TASP1: variants seen among roughly 807,000 people sequenced by gnomAD.
TASP1 encodes threonine aspartase 1.
In TASP1, 16 loss-of-function variants were observed where a neutral mutation model predicts 56.6. The observed-to-expected ratio is 0.28, with a 90% CI of 0.19 to 0.43. The LOEUF is 0.43. Ranked by LOEUF, TASP1 falls within the 20% of genes least tolerant of loss-of-function variation. TASP1 has a pLI of 1.00. For missense variants in TASP1, 393 were observed against 511.6 expected (o/e 0.77, Z 2.24); for synonymous variants, 179 against 184.2 (o/e 0.97, Z 0.23).
At chr20:13,229,806 C>A in the TASP1 span, among the ~76,000 whole-genome samples, 3,685 of 152,174 alleles carry the variant, frequency 0.024, 138 homozygotes, top group African/African-American at 0.084. Context: ...CAATTGGTTG[C>A]CACTTGTTTC....
chr20:13,600,539 T>A (rs1193569729), intron 4 of TASP1: 1 of 152,082 alleles, frequency 6.6e-6, no homozygotes, highest in Non-Finnish European at 1.5e-5. Context: ...TAAAAGATAT[T>A]TACCTCACAC....
intron 1 of TASP1, among the ~76,000 whole-genome samples, chr20:13,632,086 C>A (rs1295799301): frequency 6.8e-6 from 1 of 147,786 alleles, no homozygotes; most frequent in Non-Finnish European, 1.5e-5. Flanking sequence ...ATTTTTTGGC[C>A]GGGCACAGTG....
At chr20:13,539,462 ATC>A (rs2045539090) in intron 8 of TASP1, among the ~76,000 whole-genome samples, 1 of 152,166 alleles carries the variant, frequency 6.6e-6, no homozygotes, top group Non-Finnish European at 1.5e-5. Flanking sequence ...AGGCTGGAAG[ATC>A]CCCTGTGCCC....
intron 12 of TASP1, among the ~76,000 whole-genome samples, chr20:13,429,069 T>G (rs1362187072): frequency 6.6e-6 from 1 of 152,244 alleles, no homozygotes; most frequent in Non-Finnish European, 1.5e-5. Flanking sequence ...CCCCTGTGTG[T>G]GTCACTGGAG....
chr20:13,365,149 C>G, the TASP1 span, among the ~76,000 whole-genome samples: 1 of 152,216 alleles, frequency 6.6e-6, no homozygotes, highest in East Asian at 1.9e-4. Context: ...GGCCAACAAC[C>G]TACACGTGAT....
At chr20:13,416,271 A>G (rs909175545) in intron 13 of TASP1, among the ~76,000 whole-genome samples, 3 of 152,226 alleles carry the variant, frequency 2.0e-5, no homozygotes, top group Non-Finnish European at 4.4e-5. Flanking sequence ...GGACAATTAT[A>G]TTTCCATTCT....
At chr20:13,374,860 C>T in the TASP1 span, among the ~76,000 whole-genome samples, 1 of 152,198 alleles carries the variant, frequency 6.6e-6, no homozygotes, top group Non-Finnish European at 1.5e-5. Context: ...CTTGGGCATG[C>T]ACCTGCTCAC....
In TASP1 at chr20:13,417,485, C is replaced by T; in HGVS notation, c.1133G>A (p.Cys378Tyr). The T allele has an allele frequency of 6.2e-7, 1 of 1,614,160 alleles. No homozygotes were observed. Among genetic ancestry groups the T allele is most frequent in the Non-Finnish European group, 8.5e-7 (1 of 1,180,000 alleles). The part of the protein sequence containing the change: ...FLWSHTTESM[C>Y]VGYMSAQDGK... ...ATCCTGGGCTGACATATATCCGACA[C>T]ACATGCTCTCCGTCGTGTGGCTCCA... is the stretch of plus-strand genomic sequence containing the variant. The change falls in exon 13 of 14, where the codon TGT (cysteine) becomes TAT (tyrosine). Residue 378 changes from cysteine (C) to tyrosine (Y), a missense_variant. This residue lies in a region of TASP1 where 293 missense variants were observed against 354.2 expected (regional missense o/e 0.83). Coordinates refer to ENST00000337743, the MANE Select transcript of TASP1 (RefSeq NM_017714.3).
At chr20:13,280,402 C>CG in the TASP1 span, among the ~76,000 whole-genome samples, 2 of 138,760 alleles carry the variant, frequency 1.4e-5, no homozygotes, top group Non-Finnish European at 3.1e-5. Context: ...CCCCCCCCCC[C>CG]CAATACATTT....
At chr20:13,538,794 G>A (rs2045511288) in intron 8 of TASP1, among the ~76,000 whole-genome samples, 1 of 152,150 alleles carries the variant, frequency 6.6e-6, no homozygotes, top group East Asian at 1.9e-4. Context: ...TGTAATCCCA[G>A]CACTTTGGGA....
At chr20:13,221,219 A>ACTACTCCTCCTCCTC in the TASP1 span, among the ~76,000 whole-genome samples, 35 of 82,754 alleles carry the variant, frequency 4.2e-4, no homozygotes, top group East Asian at 2.4e-3. Context: ...AAGCCCTCCT[A>ACTACTCCTCCTCCTC]CTCCTCCTCC....
chr20:13,316,046 C>T, the TASP1 span, among the ~76,000 whole-genome samples: 6 of 151,972 alleles, frequency 3.9e-5, no homozygotes, highest in East Asian at 3.9e-4. Flanking sequence ...TAAGCTTCTG[C>T]GCTGGCCAAC....
chr20:13,306,498 T>G, the TASP1 span, among the ~76,000 whole-genome samples: 3 of 150,892 alleles, frequency 2.0e-5, no homozygotes, highest in Non-Finnish European at 2.9e-5. Flanking sequence ...TTTGGTGGTG[T>G]TTTTTGTTTG....
intron 9 of TASP1, among the ~76,000 whole-genome samples, chr20:13,532,027 A>G (rs1275579785): frequency 1.3e-5 from 2 of 152,178 alleles, no homozygotes; most frequent in African/African-American, 4.8e-5. Flanking sequence ...GAAAACAGTG[A>G]GAAAGTCATG....
At chr20:13,469,792 C>T (rs1188877667) in intron 11 of TASP1, among the ~76,000 whole-genome samples, 3 of 39,506 alleles carry the variant, frequency 7.6e-5, no homozygotes, top group Non-Finnish European at 1.4e-4. Flanking sequence ...AATAAATGTC[C>T]TTTTTTTTTT....
At chr20:13,611,252 A>G (rs112606002) in intron 4 of TASP1, among the ~76,000 whole-genome samples, 10 of 152,360 alleles carry the variant, frequency 6.6e-5, no homozygotes, top group African/African-American at 2.4e-4. Context: ...TCAGTGCAGT[A>G]TGCTTGGACT....
chr20:13,154,009 A>G, the TASP1 span: 1 of 1,613,910 alleles, frequency 6.2e-7, no homozygotes, highest in African/African-American at 1.3e-5. Flanking sequence ...TCAGGGCTGC[A>G]GAGAGTACAG....
At chr20:13,311,243 T>TGATAGATAGATAGATA in the TASP1 span, among the ~76,000 whole-genome samples, 1 of 127,860 alleles carries the variant, frequency 7.8e-6, no homozygotes, top group South Asian at 2.7e-4. Flanking sequence ...GATAGATAGA[T>TGATAGATAGATAGATA]GATAGATAGA....
the TASP1 span, among the ~76,000 whole-genome samples, chr20:13,122,428 C>A: frequency 6.6e-6 from 1 of 152,160 alleles, no homozygotes; most frequent in African/African-American, 2.4e-5. Flanking sequence ...GGTCTGTGTT[C>A]TCCTGGACCC....
Sources: gnomAD v4.1 joint callset for allele counts (sites outside exome capture counted in the v4.1 genomes callset) on GRCh38, gnomAD v4.1.1 for gene constraint, gnomAD v4.1.1 regional missense constraint, MANE v1.5 for transcripts, NCBI Gene and HGNC (gene_info 2026-07-23, HGNC 2026-07-21) for gene names.